The following SLC9C1 variants were observed in gnomAD, a reference collection of about 807,000 sequenced individuals.
SLC9C1 encodes sodium/hydrogen exchanger 10.
In SLC9C1, 97 loss-of-function variants were observed where a neutral mutation model predicts 140.9. That is an observed-to-expected ratio of 0.69 (90% CI 0.58 to 0.82). SLC9C1 has a LOEUF of 0.82. Ranked by LOEUF, SLC9C1 falls within the 40% of genes least tolerant of loss-of-function variation. SLC9C1 has a pLI of 0.00. For synonymous variants in SLC9C1, 440 were observed against 442.6 expected, an observed-to-expected ratio of 0.99 and a Z score of 0.07; for missense variants, 1,340 against 1,389.3, an observed-to-expected ratio of 0.96 and a Z score of 0.56.
At chr3:112,237,344 G>T (rs546613909) in intron 12 of SLC9C1, among the ~76,000 whole-genome samples, 3 of 151,902 alleles carry the variant, frequency 2.0e-5, no homozygotes, top group Admixed American at 6.6e-5. Context: ...CCTTTATTTT[G>T]AGCCTATGTG....
chr3:112,158,549 G>A (rs1223131726), intron 26 of SLC9C1, among the ~76,000 whole-genome samples: 1 of 151,878 alleles, frequency 6.6e-6, no homozygotes, highest in Non-Finnish European at 1.5e-5. Context: ...AAATTTAAAA[G>A]TATTTCTTTC....
chr3:112,239,647 C>T (rs924569186), intron 12 of SLC9C1, among the ~76,000 whole-genome samples, 193 bp downstream of exon 12: 2 of 152,300 alleles, frequency 1.3e-5, no homozygotes, highest in Middle Eastern at 3.4e-3. Context: ...GGGGTTATGA[C>T]TTCTACTTTG....
Position 112,208,216 on chromosome 3 carries a change from A to G in SLC9C1, c.1948T>C (p.Cys650Arg). ...TCTAGAATATAAAGTGTAAGAAAAC[A>G]GTAGTTAGTGTGTTTTAATTCGCTG... ...YHSELKHTNY[C>R]FLTLYILEAL... The change falls in exon 16 of 29, where the codon TGT becomes CGT. Residue 650 changes from cysteine (C) to arginine (R), a missense_variant. Transcript: ENST00000305815. The G allele has an allele frequency of 6.2e-7, 1 of 1,610,542 alleles. No homozygotes were observed. Among genetic ancestry groups the G allele is most frequent in the Non-Finnish European group, 8.5e-7 (1 of 1,178,688 alleles).
At chr3:112,211,540 C>T (rs13327160) in intron 15 of SLC9C1, among the ~76,000 whole-genome samples, 45,612 of 152,096 alleles carry the variant, frequency 0.3, 7,045 homozygotes, top group East Asian at 0.36. Context: ...TCTTAGCAAA[C>T]GGCACACCAG....
intron 13 of SLC9C1, among the ~76,000 whole-genome samples, chr3:112,221,794 T>C (rs891898068): frequency 1.3e-5 from 2 of 152,156 alleles, no homozygotes; most frequent in Admixed American, 6.5e-5. Context: ...TACATATATA[T>C]AAAGAGCCTA....
rs1175563185 is a variant in SLC9C1 at position 112,190,958 on chromosome 3, CACACACAT to C, written c.2523+8355_2523+8362del. On this transcript the variant is annotated intron_variant, in intron 20 of 28. Coordinates refer to ENST00000305815, the MANE Select transcript of SLC9C1 (RefSeq NM_183061.3). The stretch of plus-strand genomic sequence containing the variant: ...ACACACACACACACACACACACACA[CACACACAT>C]ATATATATATGGCTTTGTAAGTGGT... 8.2e-4 allele frequency among the ~76,000 whole-genome samples: 120 copies of C among 146,818 alleles called. 1 individual carries two copies. Among genetic ancestry groups the C allele is most frequent in the Non-Finnish European group, 1.3e-3 (85 of 65,874 alleles).
intron 13 of SLC9C1, among the ~76,000 whole-genome samples, chr3:112,225,434 A>G (rs997746875): frequency 2.2e-4 from 33 of 152,128 alleles, no homozygotes; most frequent in Admixed American, 1.2e-3. Flanking sequence ...ATAAAACCCA[A>G]TGGTAGAGCA....
chr3:112,205,529 C>T (rs560646239), intron 16 of SLC9C1, among the ~76,000 whole-genome samples: 1 of 89,362 alleles, frequency 1.1e-5, no homozygotes, highest in Admixed American at 1.4e-4. Flanking sequence ...CAACAACTTT[C>T]TTCACAGAAT....
rs966801250 is a variant in SLC9C1 at position 112,155,139 on chromosome 3, A to G, written c.3365-90T>C. ...CCAACTATCAGATTAGATCAGATTC[A>G]AATCACACTCAGGACCTGTGATCTG... On this transcript the variant is annotated intron_variant, in intron 26 of 28. Transcript: ENST00000305815. 280 of 1,126,000 alleles carry G rather than the reference A, an allele frequency of 2.5e-4. 1 individual carries two copies. The highest frequency in any genetic ancestry group is 2.2e-4 in the Non-Finnish European group (175 of 785,620). 69.8% of individuals were successfully genotyped at this position (1,126,000 alleles called of 1,614,324 possible).
At chr3:112,268,551 AGTTATTGCTGGCTGATAAAAATACCG>A (rs1446225451) in intron 7 of SLC9C1, among the ~76,000 whole-genome samples, 1 of 152,190 alleles carries the variant, frequency 6.6e-6, no homozygotes, top group Non-Finnish European at 1.5e-5. Context: ...TTTTCTAGCT[AGTTATTGCTGGCTGATAAAAATACCG>A]TCAATTGTTT....
intron 1 of SLC9C1, among the ~76,000 whole-genome samples, chr3:112,289,355 AG>A (rs1206037447): frequency 6.6e-6 from 1 of 152,170 alleles, no homozygotes; most frequent in Non-Finnish European, 1.5e-5. Context: ...TATGGAAGTG[AG>A]GGTTCACTTT....
chr3:112,263,062 A>G lies in SLC9C1; in HGVS notation c.1059T>C (p.Ser353=). The G allele has an allele frequency of 6.3e-7, 1 of 1,592,422 alleles. No homozygotes were observed. The change falls in exon 10 of 29, where the codon TCT becomes TCC. Residue 353 remains serine (S), a synonymous_variant. Transcript: ENST00000305815. ...LTLLLISPVL[S]RVGHEFSWRW... ...GCCAACTGAACTCATGACCAACTCG[A>G]GACAAAACAGGGCTTATTAAAAGAA...
intron 25 of SLC9C1, 74 bp downstream of exon 25, chr3:112,168,801 GAC>G (rs2107917788): frequency 7.7e-7 from 1 of 1,305,948 alleles, no homozygotes; most frequent in African/African-American, 1.5e-5. Context: ...AGATTATAGT[GAC>G]AGTTTTTCTG....
chr3:112,275,982 T>C (rs2080203865), intron 5 of SLC9C1, among the ~76,000 whole-genome samples: 1 of 152,062 alleles, frequency 6.6e-6, no homozygotes, highest in Non-Finnish European at 1.5e-5. Flanking sequence ...ATATAAGAGA[T>C]ACAAGAAGGA....
At chr3:112,215,977 A>G (rs1020048214) in intron 15 of SLC9C1, among the ~76,000 whole-genome samples, 1 of 152,246 alleles carries the variant, frequency 6.6e-6, no homozygotes, top group Non-Finnish European at 1.5e-5. Context: ...TGTGGTAACC[A>G]AAACAGCATG....
In SLC9C1 at chr3:112,204,296, A is replaced by C. The variant is rs1265546877; in HGVS notation, c.2094T>G (p.Ile698Met). ...LHVILIEIDT[I>M]KYIFNETEVI... is the part of the protein sequence containing the mutation. ...CTTCAGTCTCATTAAAAATATACTT[A>C]ATGGTGTCTATTTCAATAAGTATTA... Residue 698 changes from isoleucine (I) to methionine (M), a missense_variant, in exon 17 of 29, where the codon ATT (isoleucine) becomes ATG (methionine). Physicochemically the swap from Ile to Met is conservative, Grantham distance 10 (BLOSUM62 1). Transcript: ENST00000305815. 3 of 1,563,774 alleles carry C rather than the reference A, an allele frequency of 1.9e-6. No individual in the cohort carries two copies. Among genetic ancestry groups the C allele is most frequent in the Non-Finnish European group, 2.6e-6 (3 of 1,162,432 alleles).
intron 12 of SLC9C1, among the ~76,000 whole-genome samples, chr3:112,233,520 T>C (rs2078892460): frequency 6.6e-6 from 1 of 152,184 alleles, no homozygotes; most frequent in South Asian, 2.1e-4. Flanking sequence ...CTAGGGTACA[T>C]GTGCACAATG....
At chr3:112,213,214 C>T (rs2078257774) in intron 15 of SLC9C1, among the ~76,000 whole-genome samples, 1 of 152,168 alleles carries the variant, frequency 6.6e-6, no homozygotes, top group South Asian at 2.1e-4. Flanking sequence ...AAGTACTAAA[C>T]ATGGAAAGGA....
At chr3:112,218,597 C>T (rs1048842107) in intron 14 of SLC9C1, among the ~76,000 whole-genome samples, 1 of 152,054 alleles carries the variant, frequency 6.6e-6, no homozygotes, top group African/African-American at 2.4e-5. Flanking sequence ...ATTTATTCAA[C>T]ATCTGCTATT....
Sources: gnomAD v4.1 joint callset for allele counts (sites outside exome capture counted in the v4.1 genomes callset) on GRCh38, gnomAD v4.1.1 for gene constraint, MANE v1.5 for transcripts, NCBI Gene and HGNC (gene_info 2026-07-23, HGNC 2026-07-21) for gene names.